The following PATJ variants were observed in gnomAD, a reference collection of about 807,000 sequenced individuals.
The protein encoded by PATJ is inaD-like protein.
Under a neutral mutation model 224.9 loss-of-function variants are expected in PATJ, and 190 were observed. The observed-to-expected ratio is 0.84, with a 90% CI of 0.75 to 0.95. PATJ has a LOEUF of 0.95. Among genes scored for constraint, PATJ ranks in the 40% least tolerant of loss-of-function variants. The pLI is 0.00. For synonymous variants in PATJ, 769 were observed against 820.3 expected (o/e 0.94, Z 1.07); for missense variants, 2,121 against 2,270.3 (o/e 0.93, Z 1.34).
At chr1:61,957,432 A>G (rs1680593907) in intron 27 of PATJ, among the ~76,000 whole-genome samples, 1 of 152,236 alleles carries the variant, frequency 6.6e-6, no homozygotes, top group Non-Finnish European at 1.5e-5. Context: ...GAGCGTTAGA[A>G]TAATGGGCAG....
chr1:62,149,127 T>TAA (rs1668368937), intron 42 of PATJ, among the ~76,000 whole-genome samples: 1 of 96,268 alleles, frequency 1.0e-5, no homozygotes, highest in African/African-American at 4.4e-5. Flanking sequence ...AAACTCCATC[T>TAA]CAAAAAAAAA....
chr1:62,079,795 C>A (rs1250063641), intron 32 of PATJ, among the ~76,000 whole-genome samples: 1 of 152,044 alleles, frequency 6.6e-6, no homozygotes, highest in African/African-American at 2.4e-5. Flanking sequence ...AGCACTAGAA[C>A]AGAACAGGAC....
rs145965855 is a variant in PATJ at position 61,905,906 on chromosome 1, G to T, written c.3382-2466G>T. 6.6e-5 allele frequency among the ~76,000 whole-genome samples: 10 copies of T among 152,228 alleles called. No homozygotes were observed. The East Asian group carries it at 1.9e-3, about 29-fold the overall frequency. On this transcript the variant is annotated intron_variant, in intron 24 of 43. Transcript: ENST00000642238. ...TGGAGATAGTATCAGATCCCCAGCG[G>T]ACACCAACTGTCTTATAATTTAATT...
chr1:61,983,890 C>T (rs12070043), intron 27 of PATJ, among the ~76,000 whole-genome samples: 38,015 of 146,834 alleles, frequency 0.26, 5,127 homozygotes, highest in East Asian at 0.47. Flanking sequence ...AGTGGCGTGA[C>T]TGTGGCTCAG....
At chr1:61,914,231 G>A (rs1338564290) in intron 25 of PATJ, among the ~76,000 whole-genome samples, 6 of 152,106 alleles carry the variant, frequency 3.9e-5, no homozygotes, top group South Asian at 4.1e-4. Flanking sequence ...TGAGGCGGGC[G>A]GATCATCTGA....
chr1:62,140,760 T>C (rs886269221), intron 41 of PATJ, among the ~76,000 whole-genome samples: 2 of 152,102 alleles, frequency 1.3e-5, no homozygotes, highest in African/African-American at 4.8e-5. Flanking sequence ...TAAAAGGCAA[T>C]GAGCTGGTCT....
chr1:62,153,811 CAAAAA>C (rs1276996581), intron 43 of PATJ, among the ~76,000 whole-genome samples: 1 of 151,786 alleles, frequency 6.6e-6, no homozygotes, highest in African/African-American at 2.4e-5. Context: ...TGAGCTAGAA[CAAAAA>C]AAAGATTTGG....
intron 28 of PATJ, among the ~76,000 whole-genome samples, chr1:62,010,057 T>TG (rs1263996961): frequency 1.8e-5 from 2 of 108,994 alleles, no homozygotes; most frequent in African/African-American, 7.8e-5. Flanking sequence ...CACTCCAGCC[T>TG]GGGGGAGTGA....
intron 14 of PATJ, among the ~76,000 whole-genome samples, chr1:61,810,916 C>T (rs185590224): frequency 6.6e-6 from 1 of 152,190 alleles, no homozygotes; most frequent in African/African-American, 2.4e-5. Context: ...AAGAGGGAAA[C>T]TCCGTCTCAA....
chr1:61,773,994 C>T (rs1646773567), intron 6 of PATJ, among the ~76,000 whole-genome samples: 1 of 151,552 alleles, frequency 6.6e-6, no homozygotes, highest in Non-Finnish European at 1.5e-5. Flanking sequence ...GTGGCAGGTA[C>T]CTGTAGTCCC....
chr1:62,106,772 T>A (rs1409639439), intron 33 of PATJ, among the ~76,000 whole-genome samples: 2 of 152,070 alleles, frequency 1.3e-5, no homozygotes, highest in Non-Finnish European at 2.9e-5. Context: ...TGGCCAAGCC[T>A]ATAAGATCTC....
Position 61,944,620 on chromosome 1 carries a change from A to G in PATJ, c.3670+16791A>G, listed in dbSNP as rs1259469372. On this transcript the variant is annotated intron_variant, in intron 27 of 43. Coordinates refer to ENST00000642238, the MANE Select transcript of PATJ (RefSeq NM_001350145.3). ...TCTGATTGGTGTACCTGAAAGTGAC[A>G]GGGAGAATGGAACCAAGTTGGAAAA... Among the ~76,000 whole-genome samples, 8 of 152,322 alleles carry G rather than the reference A, an allele frequency of 5.3e-5. No homozygotes were observed. The South Asian group carries it at 1.7e-3, about 32-fold the overall frequency.
At chr1:61,886,967 C>T (rs762273597) in intron 22 of PATJ, among the ~76,000 whole-genome samples, 1 of 150,794 alleles carries the variant, frequency 6.6e-6, no homozygotes, top group African/African-American at 2.4e-5. Context: ...GGTGACATAG[C>T]GAGACCCTGT....
chr1:61,911,200 TTTG>T (rs1557863505), intron 25 of PATJ, among the ~76,000 whole-genome samples: 1 of 152,068 alleles, frequency 6.6e-6, no homozygotes, highest in Non-Finnish European at 1.5e-5. Flanking sequence ...TTGGGTTTTT[TTTG>T]TTGTTGTTTT....
chr1:62,095,683 T>G (rs1661311628), intron 33 of PATJ, among the ~76,000 whole-genome samples: 1 of 152,212 alleles, frequency 6.6e-6, no homozygotes, highest in Non-Finnish European at 1.5e-5. Context: ...TCCCAGTTTT[T>G]TTTTGTAAAG....
At position 61,944,417 on chromosome 1, in the gene PATJ, T is replaced by C. The variant is rs2149356334; in HGVS notation, c.3670+16588T>C. Among the ~76,000 whole-genome samples the C allele has an allele frequency of 1.3e-5, 2 of 152,190 alleles. 1 individual carries two copies. The highest frequency in any genetic ancestry group is 6.8e-3 in the Middle Eastern group (2 of 294). On this transcript the variant is annotated intron_variant, in intron 27 of 43. Transcript: ENST00000642238. ...GAGCTGAAAATCATGGCACGAGAAGTACGTGACGAATGCACAAGCTTCAGT... is the reference window on the plus strand; with the variant it reads ...GAGCTGAAAATCATGGCACGAGAAGCACGTGACGAATGCACAAGCTTCAGT...
At position 61,808,392 on chromosome 1, in the gene PATJ, G is replaced by C. The variant is rs1278882942; in HGVS notation, c.1627-82G>C. Reference sequence around the variant, plus strand: ...GTCAAATAGAGTTATCAATATATAGGTTTTACAGATATTTTCAGAAAATGT... The same window carrying C: ...GTCAAATAGAGTTATCAATATATAGCTTTTACAGATATTTTCAGAAAATGT... On this transcript the variant is annotated intron_variant, in intron 13 of 43. Transcript: ENST00000642238. 1.1e-5 allele frequency: 9 copies of C among 822,738 alleles called. No individual in the cohort carries two copies. The African/African-American group carries it at 1.4e-4, about 12-fold the overall frequency. 51.0% of individuals were successfully genotyped at this position (822,738 alleles called of 1,614,324 possible). A position where few individuals can be genotyped will look rare whatever the true frequency, so the allele number is the denominator to read the frequency against.
chr1:61,944,137 G>A (rs1207464515), intron 27 of PATJ, among the ~76,000 whole-genome samples: 1 of 152,204 alleles, frequency 6.6e-6, no homozygotes, highest in African/African-American at 2.4e-5. Context: ...CAGAAAAGCT[G>A]AAAATTCTAA....
At chr1:62,067,835 C>T (rs142194993) in intron 31 of PATJ, among the ~76,000 whole-genome samples, 1,694 of 152,282 alleles carry the variant, frequency 0.011, 13 homozygotes, top group Middle Eastern at 0.044. Context: ...GGGTCTCACT[C>T]TATAACCCCA....
Sources: gnomAD v4.1 joint callset for allele counts (sites outside exome capture counted in the v4.1 genomes callset) on GRCh38, gnomAD v4.1.1 for gene constraint, MANE v1.5 for transcripts, NCBI Gene and HGNC (gene_info 2026-07-23, HGNC 2026-07-21) for gene names.